Variants in DENND5A observed in about 807,000 individuals in gnomAD.
The protein encoded by DENND5A is DENN domain-containing protein 5A.
Under a neutral mutation model 140.3 loss-of-function variants are expected in DENND5A, and 64 were observed. The observed-to-expected ratio is 0.46, with a 90% CI of 0.37 to 0.56. The LOEUF (loss-of-function observed/expected upper bound fraction) is 0.56. Among genes scored for constraint, DENND5A ranks in the 20% least tolerant of loss-of-function variants. DENND5A has a pLI of 0.00. For missense variants in DENND5A, 1,292 were observed against 1,593.8 expected (o/e 0.81, Z 3.22); for synonymous variants, 605 against 607.7 (o/e 1.00, Z 0.07).
intron 1 of DENND5A, among the ~76,000 whole-genome samples, chr11:9,229,251 C>T (rs1201315450): frequency 2.0e-5 from 3 of 152,112 alleles, no homozygotes; most frequent in African/African-American, 7.2e-5. Context: ...CTGCGCCTGG[C>T]CCAAATATGC....
At chr11:9,168,474 T>C (rs1034840277) in intron 10 of DENND5A, among the ~76,000 whole-genome samples, 2 of 152,196 alleles carry the variant, frequency 1.3e-5, no homozygotes, top group African/African-American at 4.8e-5. Context: ...CTTGTGTATG[T>C]CCTTTATCAG....
In DENND5A at chr11:9,207,547, T is replaced by A. The variant is rs764157564; in HGVS notation, c.181+14A>T. 25 of 1,604,378 alleles carry A rather than the reference T, an allele frequency of 1.6e-5. No homozygotes were observed. Among genetic ancestry groups the A allele is most frequent in the Non-Finnish European group, 2.1e-5 (25 of 1,171,748 alleles). Reference sequence around the variant, plus strand: ...AGAAAGCTTTGGGTGTTCTCAATTTTGTTTTGTTTTTACCTTCAGTCGTAC... The same window carrying A: ...AGAAAGCTTTGGGTGTTCTCAATTTAGTTTTGTTTTTACCTTCAGTCGTAC... On this transcript the variant is annotated intron_variant, in intron 2 of 22. Transcript: ENST00000328194.
At chr11:9,172,751 T>C (rs1001796846) in intron 8 of DENND5A, among the ~76,000 whole-genome samples, 5 of 152,194 alleles carry the variant, frequency 3.3e-5, no homozygotes, top group African/African-American at 9.7e-5. Flanking sequence ...GTCTTGGGTA[T>C]TTCTTCATAG....
At position 9,139,853 on chromosome 11, in the gene DENND5A, C is replaced by T. The variant is rs749693016; in HGVS notation, c.3682G>A (p.Asp1228Asn). ...GCAATCCAGTGGTGTAGGAGGTGATCTCTGGCAGAGCGGGAGCAGTCCAGG... is the reference window on the plus strand; with the variant it reads ...GCAATCCAGTGGTGTAGGAGGTGATTTCTGGCAGAGCGGGAGCAGTCCAGG... ...FQMLVCLGARDHLLHHWIALL... is the reference protein window; with the variant it reads ...FQMLVCLGARNHLLHHWIALL... Residue 1228 changes from aspartate to asparagine, a missense_variant and splice_region_variant, in exon 23 of 23, where the codon GAT becomes AAT. Asp to Asn is a conservative substitution (Grantham distance 23). Around this residue, in one of 4 missense-constraint regions of DENND5A, gnomAD observed 498 missense variants for 689.7 expected, o/e 0.72. Transcript: ENST00000328194. The T allele has an allele frequency of 6.2e-7, 1 of 1,613,700 alleles. No homozygotes were observed. Among genetic ancestry groups the T allele is most frequent in the Admixed American group, 1.7e-5 (1 of 60,004 alleles).
Position 9,145,729 on chromosome 11 carries a change from C to A in DENND5A, c.2944G>T (p.Glu982Ter), listed in dbSNP as rs1389383559. The A allele has an allele frequency of 6.2e-7, 1 of 1,614,098 alleles. No homozygotes were observed. Among genetic ancestry groups the A allele is most frequent in the Non-Finnish European group, 8.5e-7 (1 of 1,180,012 alleles). Residue 982 changes from glutamate to a stop codon, truncating the protein, a stop_gained, in exon 17 of 23, where the codon GAA becomes TAA. Coordinates refer to ENST00000328194, the MANE Select transcript of DENND5A (RefSeq NM_015213.4). LOFTEE classifies it high-confidence loss of function. Reference protein sequence around the residue: ...TANPWICISGELGETQIMQIP... With the variant: ...TANPWICISG ...TGCATGATCTGTGTCTCACCCAATT[C>A]TCCTGATATACAGATCCATGGGTTG...
intron 12 of DENND5A, among the ~76,000 whole-genome samples, chr11:9,155,590 G>A (rs771716160): frequency 6.6e-6 from 1 of 152,212 alleles, no homozygotes; most frequent in Non-Finnish European, 1.5e-5. Context: ...GTCTGATTGG[G>A]ATTGCAAGGT....
At chr11:9,254,683 G>A (rs1299311058) in intron 1 of DENND5A, among the ~76,000 whole-genome samples, 2 of 152,124 alleles carry the variant, frequency 1.3e-5, no homozygotes, top group East Asian at 1.9e-4. Flanking sequence ...AGTCCACATC[G>A]ACTCCCAGTT....
chr11:9,238,168 G>A (rs1031441084), intron 1 of DENND5A, among the ~76,000 whole-genome samples: 19 of 151,960 alleles, frequency 1.3e-4, no homozygotes, highest in Non-Finnish European at 2.4e-4. Context: ...AACTAAGATC[G>A]ATGGAATTTC....
chr11:9,253,313 C>G (rs558573135), intron 1 of DENND5A, among the ~76,000 whole-genome samples: 15 of 152,312 alleles, frequency 9.8e-5, no homozygotes, highest in Admixed American at 5.2e-4. Context: ...AAGGGCTGAG[C>G]AGACTCTAAG....
chr11:9,227,108 C>T (rs1850561307), intron 1 of DENND5A, among the ~76,000 whole-genome samples: 1 of 151,866 alleles, frequency 6.6e-6, no homozygotes, highest in Admixed American at 6.6e-5. Context: ...GCAGAGGTTA[C>T]AGTAAGGTGA....
intron 1 of DENND5A, among the ~76,000 whole-genome samples, chr11:9,217,919 G>A (rs1850158149): frequency 6.6e-6 from 1 of 152,192 alleles, no homozygotes; most frequent in Admixed American, 6.5e-5. Flanking sequence ...GATAAAAGAT[G>A]ACATTGTATA....
Position 9,163,987 on chromosome 11 carries a change from T to A in DENND5A, c.2283+1849A>T, listed in dbSNP as rs944747274. On this transcript the variant is annotated intron_variant, in intron 11 of 22. Coordinates refer to ENST00000328194, the MANE Select transcript of DENND5A (RefSeq NM_015213.4). Reference sequence around the variant, plus strand: ...GTTTTACACAAACACACACACACACTGGCCACAATGCCTGGCCAGAGTTTT... The same window carrying A: ...GTTTTACACAAACACACACACACACAGGCCACAATGCCTGGCCAGAGTTTT... Among the ~76,000 whole-genome samples the A allele has an allele frequency of 6.1e-5, 9 of 148,096 alleles. No homozygotes were observed. In the East Asian group the frequency reaches 1.8e-3, roughly 30 times the overall value.
chr11:9,157,248 G>A lies in DENND5A; in HGVS notation c.2436+3465C>T, dbSNP rs1433805398. On this transcript the variant is annotated intron_variant, in intron 12 of 22. Transcript: ENST00000328194. ...TACAGAACCCAGCATAATAATAGCTGTCATATGTTGGATACTTATCACACG... is the reference window on the plus strand; with the variant it reads ...TACAGAACCCAGCATAATAATAGCTATCATATGTTGGATACTTATCACACG... Among the ~76,000 whole-genome samples the A allele has an allele frequency of 2.0e-5, 3 of 152,166 alleles. No individual in the cohort carries two copies. The East Asian group carries it at 5.8e-4, about 29-fold the overall frequency.
At chr11:9,219,614 G>A (rs759298229) in intron 1 of DENND5A, among the ~76,000 whole-genome samples, 2 of 152,168 alleles carry the variant, frequency 1.3e-5, no homozygotes, top group African/African-American at 2.4e-5. Context: ...GAGCCATCAC[G>A]AGAAAGTGAC....
At chr11:9,259,483 G>A (rs934866553) in intron 1 of DENND5A, among the ~76,000 whole-genome samples, 12 of 150,700 alleles carry the variant, frequency 8.0e-5, no homozygotes, top group Admixed American at 4.6e-4. Flanking sequence ...GGAGAATGGC[G>A]TGAACCCGGG....
At chr11:9,212,919 A>G (rs1849935195) in intron 1 of DENND5A, among the ~76,000 whole-genome samples, 1 of 151,958 alleles carries the variant, frequency 6.6e-6, no homozygotes, top group African/African-American at 2.4e-5. Flanking sequence ...GGGTGTGGCT[A>G]TAAAAGGGCA....
intron 5 of DENND5A, among the ~76,000 whole-genome samples, chr11:9,185,225 T>G (rs2136183712): frequency 6.6e-6 from 1 of 152,304 alleles, no homozygotes; most frequent in East Asian, 1.9e-4. Flanking sequence ...AATCTTTTAT[T>G]TTCTTTGATG....
chr11:9,244,668 C>T (rs893578042), intron 1 of DENND5A, among the ~76,000 whole-genome samples: 10 of 151,774 alleles, frequency 6.6e-5, no homozygotes, highest in African/African-American at 1.7e-4. Context: ...CACGCTCAGC[C>T]TATTTTATTT....
chr11:9,222,837 C>T (rs886878706), intron 1 of DENND5A, among the ~76,000 whole-genome samples: 3 of 152,188 alleles, frequency 2.0e-5, no homozygotes, highest in Non-Finnish European at 2.9e-5. Context: ...TGAAATTCAA[C>T]GCTGCCTGCA....
Sources: gnomAD v4.1 joint callset for allele counts (sites outside exome capture counted in the v4.1 genomes callset) on GRCh38, gnomAD v4.1.1 for gene constraint, gnomAD v4.1.1 regional missense constraint, MANE v1.5 for transcripts, NCBI Gene and HGNC (gene_info 2026-07-23, HGNC 2026-07-21) for gene names.